Variants in TTC28 observed in about 807,000 individuals in gnomAD.
The protein encoded by TTC28 is tetratricopeptide repeat domain 28, also known as tetratricopeptide repeat protein 28.
A neutral mutation model predicts 198.0 loss-of-function variants in TTC28; 61 were observed. The observed-to-expected ratio is 0.31, with a 90% CI of 0.25 to 0.38. The LOEUF (loss-of-function observed/expected upper bound fraction) is 0.38. Ranked by LOEUF, TTC28 falls within the 10% of genes least tolerant of loss-of-function variation. The probability of loss-of-function intolerance (pLI) is 1.00; values close to 1 mark genes in which losing one functional copy is unlikely to be tolerated. For missense variants in TTC28, 2,678 were observed against 3,164.0 expected, an observed-to-expected ratio of 0.85 and a Z score of 3.69; for synonymous variants, 1,171 against 1,297.8, an observed-to-expected ratio of 0.90 and a Z score of 2.10.
chr22:28,252,454 A>T (rs1474054557), intron 5 of TTC28, among the ~76,000 whole-genome samples: 2 of 152,236 alleles, frequency 1.3e-5, no homozygotes, highest in Non-Finnish European at 2.9e-5. Context: ...AACTACCATG[A>T]TTAAATTCAT....
intron 2 of TTC28, among the ~76,000 whole-genome samples, chr22:28,600,362 GCCA>G: frequency 6.6e-6 from 1 of 152,056 alleles, no homozygotes; most frequent in Non-Finnish European, 1.5e-5. Flanking sequence ...CTGTAATCAC[GCCA>G]CTGCACTCTA....
chr22:28,486,437 T>G (rs2048315944), intron 2 of TTC28, among the ~76,000 whole-genome samples: 1 of 152,118 alleles, frequency 6.6e-6, no homozygotes, highest in Non-Finnish European at 1.5e-5. Flanking sequence ...AACAAATAAC[T>G]CTGTAATTCT....
intron 2 of TTC28, among the ~76,000 whole-genome samples, chr22:28,426,211 C>CAAAAAAA (rs34448246): frequency 4.7e-5 from 4 of 85,676 alleles, no homozygotes; most frequent in African/African-American, 4.6e-5. Flanking sequence ...GACTCCACGT[C>CAAAAAAA]AAAAAAAAAA....
chr22:28,294,293 T>C (rs1015344630), intron 5 of TTC28, among the ~76,000 whole-genome samples: 1 of 152,136 alleles, frequency 6.6e-6, no homozygotes, highest in Non-Finnish European at 1.5e-5. Context: ...ATCCTCATAA[T>C]TCAATGATTT....
chr22:28,453,039 G>C (rs2047808808), intron 2 of TTC28, among the ~76,000 whole-genome samples: 1 of 152,180 alleles, frequency 6.6e-6, no homozygotes, highest in Non-Finnish European at 1.5e-5. Flanking sequence ...GATGACTCAA[G>C]TTCTGGTAGC....
chr22:28,334,660 G>A (rs1251174294), intron 2 of TTC28, among the ~76,000 whole-genome samples: 3 of 152,198 alleles, frequency 2.0e-5, no homozygotes, highest in Non-Finnish European at 4.4e-5. Context: ...CTTTGGAGAA[G>A]TGTCTGTTCA....
chr22:28,278,924 G>A (rs1383339678), intron 5 of TTC28, among the ~76,000 whole-genome samples: 1 of 152,192 alleles, frequency 6.6e-6, no homozygotes, highest in Non-Finnish European at 1.5e-5. Context: ...GATGGGAATT[G>A]TGAAGTGGTT....
rs541115092 is a variant in TTC28, at chr22:28,471,634, G to A, written c.381+157918C>T. Among the ~76,000 whole-genome samples the A allele has an allele frequency of 7.9e-5, 12 of 152,160 alleles. No homozygotes were observed. In the South Asian group the frequency reaches 8.3e-4, roughly 11 times the overall value. ...GATTACTCATGAACTCCAAATGCTCGTCACTAATTACAAATTATCCCATAA... is the reference window on the plus strand; with the variant it reads ...GATTACTCATGAACTCCAAATGCTCATCACTAATTACAAATTATCCCATAA... On this transcript the variant is annotated intron_variant, in intron 2 of 22. Coordinates refer to ENST00000397906, the MANE Select transcript of TTC28 (RefSeq NM_001145418.2).
chr22:28,161,937 G>A (rs1347632068), intron 6 of TTC28, among the ~76,000 whole-genome samples: 2 of 151,428 alleles, frequency 1.3e-5, no homozygotes, highest in Non-Finnish European at 2.9e-5. Context: ...GAGGGAAGGT[G>A]GCTAAGTTTT....
Position 28,282,831 on chromosome 22 carries a change from C to T in TTC28, c.933+13367G>A, listed in dbSNP as rs550730116. Among the ~76,000 whole-genome samples, 26 of 152,170 alleles carry T rather than the reference C, an allele frequency of 1.7e-4. No individual in the cohort carries two copies. The South Asian group carries it at 5.4e-3, about 32-fold the overall frequency. ...TAGATGGAGTGATGATAAAGTAGAACTTTGAAAATTACAGTTGGAAAAGAT... is the reference window on the plus strand; with the variant it reads ...TAGATGGAGTGATGATAAAGTAGAATTTTGAAAATTACAGTTGGAAAAGAT... On this transcript the variant is annotated intron_variant, in intron 5 of 22. Transcript: ENST00000397906.
At chr22:28,100,118 G>C (rs1942100391) in intron 9 of TTC28, among the ~76,000 whole-genome samples, 1 of 152,042 alleles carries the variant, frequency 6.6e-6, no homozygotes, top group South Asian at 2.1e-4. Context: ...ATATTTACAT[G>C]CTGGAAACTC....
chr22:28,343,683 A>G (rs967163985), intron 2 of TTC28, among the ~76,000 whole-genome samples: 1 of 152,246 alleles, frequency 6.6e-6, no homozygotes, highest in Non-Finnish European at 1.5e-5. Context: ...AATTTGTAAC[A>G]TGTGAAAACA....
At chr22:28,169,587 A>G (rs1277097526) in intron 5 of TTC28, among the ~76,000 whole-genome samples, 11 of 152,156 alleles carry the variant, frequency 7.2e-5, no homozygotes, top group Admixed American at 3.3e-4. Flanking sequence ...ACCAAACACC[A>G]CATGTTCTCA....
intron 2 of TTC28, among the ~76,000 whole-genome samples, chr22:28,372,606 T>A (rs532104367): frequency 6.6e-6 from 1 of 152,046 alleles, no homozygotes; most frequent in Non-Finnish European, 1.5e-5. Context: ...TTACGCTCTT[T>A]GTTCTACACA....
intron 2 of TTC28, among the ~76,000 whole-genome samples, chr22:28,380,332 G>A (rs695289): frequency 0.01 from 1,579 of 152,042 alleles, 34 homozygotes; most frequent in East Asian, 0.083. Flanking sequence ...AGGATAATAA[G>A]GGCAACAGAC....
chr22:28,618,604 C>A, intron 2 of TTC28, among the ~76,000 whole-genome samples: 1 of 151,356 alleles, frequency 6.6e-6, no homozygotes, highest in Non-Finnish European at 1.5e-5. Context: ...ATCGTTTGAA[C>A]CTGGGAAGCA....
At chr22:28,099,977 T>C (rs1392231216) in intron 9 of TTC28, among the ~76,000 whole-genome samples, 1 of 152,208 alleles carries the variant, frequency 6.6e-6, no homozygotes, top group African/African-American at 2.4e-5. Context: ...GACCAGACAA[T>C]TGCCATTCCT....
intron 5 of TTC28, among the ~76,000 whole-genome samples, chr22:28,233,136 C>A (rs1430724727): frequency 2.6e-5 from 4 of 151,762 alleles, no homozygotes; most frequent in Non-Finnish European, 5.9e-5. Context: ...TTTTCAATTG[C>A]TTTTCCCTTG....
chr22:28,212,043 A>G (rs1048033045), intron 5 of TTC28, among the ~76,000 whole-genome samples: 1 of 152,194 alleles, frequency 6.6e-6, no homozygotes, highest in African/African-American at 2.4e-5. Flanking sequence ...ACATAACGAA[A>G]TGAAGGCAGA....
Sources: allele counts gnomAD v4.1 joint callset (sites outside exome capture counted in the v4.1 genomes callset), GRCh38; gene constraint gnomAD v4.1.1; transcripts MANE v1.5; gene names NCBI Gene and HGNC (gene_info 2026-07-23, HGNC 2026-07-21).